Variants in ZFAND3 observed in about 807,000 individuals in gnomAD.
ZFAND3 encodes the protein AN1-type zinc finger protein 3.
A neutral mutation model predicts 29.6 loss-of-function variants in ZFAND3; 10 were observed. The observed-to-expected ratio is 0.34, with a 90% CI of 0.21 to 0.57. The LOEUF (loss-of-function observed/expected upper bound fraction) is 0.57. ZFAND3 is among the 20% of genes least tolerant of loss of function. The probability of loss-of-function intolerance (pLI) is 0.86; values close to 1 mark genes in which losing one functional copy is unlikely to be tolerated. For synonymous variants in ZFAND3, 128 were observed against 112.6 expected, an observed-to-expected ratio of 1.14 and a Z score of -0.87; for missense variants, 230 against 304.5, an observed-to-expected ratio of 0.76 and a Z score of 1.82.
At chr6:37,849,701 C>T (rs78471742) in intron 1 of ZFAND3, among the ~76,000 whole-genome samples, 6 of 152,144 alleles carry the variant, frequency 3.9e-5, no homozygotes, top group Admixed American at 2.0e-4. Flanking sequence ...TGAGCCACAG[C>T]GCCTGGCCTT....
At chr6:37,867,456 A>G (rs1764610187) in intron 1 of ZFAND3, among the ~76,000 whole-genome samples, 1 of 152,150 alleles carries the variant, frequency 6.6e-6, no homozygotes, top group Non-Finnish European at 1.5e-5. Flanking sequence ...TTTCTGCTGC[A>G]TCTGCTGCAT....
chr6:38,129,713 TG>T (rs1213002862), intron 5 of ZFAND3, among the ~76,000 whole-genome samples: 1 of 152,226 alleles, frequency 6.6e-6, no homozygotes, highest in East Asian at 1.9e-4. Context: ...GCCGTTTTGG[TG>T]ACTACGGCCT....
chr6:38,004,927 A>T (rs1288456514), intron 2 of ZFAND3, among the ~76,000 whole-genome samples: 1 of 152,210 alleles, frequency 6.6e-6, no homozygotes, highest in Non-Finnish European at 1.5e-5. Flanking sequence ...CCTAAAACCC[A>T]AAATGTTGAA....
At chr6:37,870,071 G>A (rs2127387613) in intron 1 of ZFAND3, among the ~76,000 whole-genome samples, 1 of 151,960 alleles carries the variant, frequency 6.6e-6, no homozygotes, top group African/African-American at 2.4e-5. Flanking sequence ...TCGGTACGTT[G>A]TGTTTTTATT....
At chr6:38,055,071 C>G (rs1054471351) in intron 2 of ZFAND3, among the ~76,000 whole-genome samples, 23 of 152,160 alleles carry the variant, frequency 1.5e-4, no homozygotes, top group African/African-American at 5.3e-4. Flanking sequence ...GAGCAGAACC[C>G]TGTTCTGTTA....
intron 2 of ZFAND3, among the ~76,000 whole-genome samples, chr6:37,980,388 G>A (rs1762559262): frequency 6.6e-6 from 1 of 152,092 alleles, no homozygotes; most frequent in Non-Finnish European, 1.5e-5. Flanking sequence ...TTGGTGCCTT[G>A]TTTAGAGCTG....
chr6:38,128,716 C>T (rs1370661473), intron 5 of ZFAND3, among the ~76,000 whole-genome samples: 4 of 152,046 alleles, frequency 2.6e-5, no homozygotes, highest in Non-Finnish European at 5.9e-5. Flanking sequence ...TATATATATA[C>T]ACCACAGTTT....
intron 2 of ZFAND3, among the ~76,000 whole-genome samples, chr6:38,013,243 A>G (rs1340657189): frequency 1.3e-5 from 2 of 152,208 alleles, no homozygotes; most frequent in Non-Finnish European, 2.9e-5. Flanking sequence ...ATCATTCGCT[A>G]ACATTTTTGT....
At chr6:38,076,236 T>G (rs1191080360) in intron 3 of ZFAND3, among the ~76,000 whole-genome samples, 1 of 152,186 alleles carries the variant, frequency 6.6e-6, no homozygotes, top group African/African-American at 2.4e-5. Flanking sequence ...AATTAAGGTA[T>G]GTACATTGTT....
At chr6:37,828,948 C>T (rs951573266) in intron 1 of ZFAND3, among the ~76,000 whole-genome samples, 4 of 152,100 alleles carry the variant, frequency 2.6e-5, no homozygotes, top group Admixed American at 6.5e-5. Context: ...CTATGCCCGG[C>T]CTGGATGGTA....
chr6:38,089,800 C>T (rs1268694944), intron 4 of ZFAND3, among the ~76,000 whole-genome samples: 1 of 152,158 alleles, frequency 6.6e-6, no homozygotes, highest in East Asian at 1.9e-4. Flanking sequence ...TTCAATATTA[C>T]ACACTATAGT....
At chr6:38,081,684 A>C (rs986000903) in intron 3 of ZFAND3, among the ~76,000 whole-genome samples, 1 of 151,860 alleles carries the variant, frequency 6.6e-6, no homozygotes, top group African/African-American at 2.4e-5. Flanking sequence ...GAATGTGTTG[A>C]AGGTCTTGAT....
chr6:37,824,179 G>T (rs1205402715), intron 1 of ZFAND3, among the ~76,000 whole-genome samples: 2 of 152,156 alleles, frequency 1.3e-5, no homozygotes, highest in African/African-American at 2.4e-5. Context: ...CTCATTTTAG[G>T]CATTTAGTAC....
intron 4 of ZFAND3, among the ~76,000 whole-genome samples, chr6:38,105,750 A>G (rs1487682344): frequency 6.6e-6 from 1 of 152,198 alleles, no homozygotes; most frequent in African/African-American, 2.4e-5. Flanking sequence ...ATTTCTTGTA[A>G]CTACATGGGA....
chr6:37,840,223 A>G (rs978339893), intron 1 of ZFAND3, among the ~76,000 whole-genome samples: 4 of 151,948 alleles, frequency 2.6e-5, no homozygotes, highest in Non-Finnish European at 4.4e-5. Context: ...TCAGCCCCCA[A>G]AATAGCTGGG....
chr6:38,013,736 A>C (rs894483451), intron 2 of ZFAND3, among the ~76,000 whole-genome samples: 2 of 150,608 alleles, frequency 1.3e-5, no homozygotes, highest in Admixed American at 1.3e-4. Flanking sequence ...TTAAAAAAAA[A>C]ACAAAAAAAA....
intron 1 of ZFAND3, among the ~76,000 whole-genome samples, chr6:37,875,117 G>C (rs999427538): frequency 3.9e-5 from 6 of 152,144 alleles, no homozygotes; most frequent in African/African-American, 1.4e-4. Flanking sequence ...AGTTTATACT[G>C]ATGTACCTGA....
At chr6:37,876,036 T>C (rs1041196785) in intron 1 of ZFAND3, among the ~76,000 whole-genome samples, 3 of 152,164 alleles carry the variant, frequency 2.0e-5, no homozygotes, top group African/African-American at 7.2e-5. Context: ...TTTTTTTCTA[T>C]TTTATATTCA....
At chr6:38,109,804 A>G (rs1374636140) in intron 4 of ZFAND3, among the ~76,000 whole-genome samples, 1 of 152,142 alleles carries the variant, frequency 6.6e-6, no homozygotes, top group Non-Finnish European at 1.5e-5. Context: ...CTTCTAGTCA[A>G]AAATGTCTCC....
Sources: allele counts gnomAD v4.1 joint callset (sites outside exome capture counted in the v4.1 genomes callset), GRCh38; gene constraint gnomAD v4.1.1; transcripts MANE v1.5; gene names NCBI Gene and HGNC (gene_info 2026-07-23, HGNC 2026-07-21).